The following TRMT1L variants were observed in gnomAD, a reference collection of about 807,000 sequenced individuals.
TRMT1L encodes the protein tRNA (guanine(27)-N(2))-dimethyltransferase.
Under a neutral mutation model 81.6 loss-of-function variants are expected in TRMT1L, and 28 were observed. That is an observed-to-expected ratio of 0.34 (90% CI 0.25 to 0.47). TRMT1L has a LOEUF of 0.47. Ranked by LOEUF, TRMT1L falls within the 20% of genes least tolerant of loss-of-function variation. The pLI is 1.00. For missense variants in TRMT1L, 739 were observed against 877.1 expected, an observed-to-expected ratio of 0.84 and a Z score of 1.99; for synonymous variants, 301 against 303.2, an observed-to-expected ratio of 0.99 and a Z score of 0.07.
chr1:185,149,626 A>G (rs1653287588), intron 3 of TRMT1L, among the ~76,000 whole-genome samples: 1 of 151,236 alleles, frequency 6.6e-6, no homozygotes, highest in Non-Finnish European at 1.5e-5. Context: ...CTTCTAAGGC[A>G]CTCCTAGGAG....
intron 9 of TRMT1L, 69 bp from the exon 10 acceptor site, chr1:185,137,865 T>C (rs1168685946): frequency 2.0e-6 from 3 of 1,479,932 alleles, no homozygotes; most frequent in Non-Finnish European, 2.8e-6. Context: ...ATACTGACAA[T>C]ATTAACCTGG....
chr1:185,126,051 A>G (rs531566142), intron 11 of TRMT1L, among the ~76,000 whole-genome samples: 1 of 152,272 alleles, frequency 6.6e-6, no homozygotes, highest in East Asian at 1.9e-4. Context: ...TGAAATTCTG[A>G]GTATGATAAA....
chr1:185,121,174 A>G (rs1439930048), intron 13 of TRMT1L, among the ~76,000 whole-genome samples: 1 of 152,226 alleles, frequency 6.6e-6, no homozygotes, highest in Non-Finnish European at 1.5e-5. Flanking sequence ...ACAACATGAA[A>G]ACAACTGAGA....
At position 185,145,582 on chromosome 1, in the gene TRMT1L, T is replaced by C; in HGVS notation, c.526-14A>G. On this transcript the variant is annotated splice_polypyrimidine_tract_variant and intron_variant, in intron 4 of 14. Coordinates refer to ENST00000367506, the MANE Select transcript of TRMT1L (RefSeq NM_030934.5). ...TTTACTGGTTATCTATCAAACAGAG[T>C]ATTTAATTTAAATAAGTTGCTAAGA... is the stretch of plus-strand genomic sequence containing the variant. The C allele has an allele frequency of 1.2e-6, 2 of 1,606,950 alleles. No homozygotes were observed. Among genetic ancestry groups the C allele is most frequent in the Non-Finnish European group, 1.7e-6 (2 of 1,175,530 alleles).
At chr1:185,142,141 C>T (rs900379365) in intron 7 of TRMT1L, among the ~76,000 whole-genome samples, 1 of 152,174 alleles carries the variant, frequency 6.6e-6, no homozygotes, top group African/African-American at 2.4e-5. Flanking sequence ...TAATCAGAAG[C>T]ATCACCTCAT....
chr1:185,150,334 T>C, intron 3 of TRMT1L, 45 bp downstream of exon 3: 1 of 1,375,896 alleles, frequency 7.3e-7, no homozygotes, highest in East Asian at 2.4e-5. Context: ...TAATAAATGT[T>C]GAATTTCATA....
intron 2 of TRMT1L, 27 bp downstream of exon 2, chr1:185,151,798 A>G (rs1653357534): frequency 1.3e-6 from 2 of 1,489,518 alleles, no homozygotes; most frequent in African/African-American, 2.9e-5. Context: ...AAACTAAGAA[A>G]AAAAAAAAAC....
At chr1:185,136,216 C>G (rs1652894849) in intron 10 of TRMT1L, among the ~76,000 whole-genome samples, 2 of 151,968 alleles carry the variant, frequency 1.3e-5, no homozygotes, top group Admixed American at 6.6e-5. Flanking sequence ...TTCAGACTAG[C>G]CAGCAAACAT....
chr1:185,150,524 G>C, intron 2 of TRMT1L, 32 bp from the exon 3 acceptor site: 1 of 1,472,126 alleles, frequency 6.8e-7, no homozygotes, highest in Non-Finnish European at 9.5e-7. Flanking sequence ...ATAAACAACA[G>C]AATATTCTAG....
At chr1:185,137,523 C>A in intron 10 of TRMT1L, 83 bp downstream of exon 10, 1 of 1,355,226 alleles carries the variant, frequency 7.4e-7, no homozygotes, top group Non-Finnish European at 1.0e-6. Flanking sequence ...AATCAAAGGA[C>A]AACAATATGT....
chr1:185,137,604 A>T lies in TRMT1L; in HGVS notation c.1513+2T>A, dbSNP rs1305389968. ...TAAACATAATATATAACTTGAATTTACCTTCTACCATATTACCATCCTTCT... is the reference window on the plus strand; with the variant it reads ...TAAACATAATATATAACTTGAATTTTCCTTCTACCATATTACCATCCTTCT... On this transcript the variant is annotated splice_donor_variant, in intron 10 of 14. Transcript: ENST00000367506. LOFTEE classifies it high-confidence loss of function. 1 of 1,612,492 alleles carries T rather than the reference A, an allele frequency of 6.2e-7. No homozygotes were observed. The highest frequency in any genetic ancestry group is 8.5e-7 in the Non-Finnish European group (1 of 1,179,318).
intron 10 of TRMT1L, chr1:185,137,336 A>G (rs775804513): frequency 7.4e-5 from 36 of 486,078 alleles, no homozygotes; most frequent in Non-Finnish European, 1.3e-4. Flanking sequence ...TATGTTCCTA[A>G]AATTAGTTGA....
intron 10 of TRMT1L, among the ~76,000 whole-genome samples, chr1:185,133,201 G>T (rs963291091): frequency 2.0e-5 from 3 of 152,132 alleles, no homozygotes; most frequent in African/African-American, 7.2e-5. Flanking sequence ...CATAAGAAAG[G>T]AAACATTATT....
At chr1:185,121,369 A>T (rs1244622717) in intron 13 of TRMT1L, among the ~76,000 whole-genome samples, 2 of 152,090 alleles carry the variant, frequency 1.3e-5, no homozygotes, top group African/African-American at 4.8e-5. Context: ...GCTACTTGGG[A>T]GGCTGAGGTG....
At chr1:185,133,899 T>C (rs984166583) in intron 10 of TRMT1L, among the ~76,000 whole-genome samples, 1 of 152,130 alleles carries the variant, frequency 6.6e-6, no homozygotes, top group Non-Finnish European at 1.5e-5. Context: ...TACACAGCAA[T>C]AGACAGCAAA....
At chr1:185,144,080 A>G in intron 5 of TRMT1L, 51 bp from the exon 6 acceptor site, 1 of 1,512,548 alleles carries the variant, frequency 6.6e-7, no homozygotes, top group East Asian at 2.3e-5. Context: ...ATAATTCTAA[A>G]CAAAAGATTT....
At chr1:185,142,300 G>A (rs146722525) in intron 7 of TRMT1L, among the ~76,000 whole-genome samples, 1 of 152,170 alleles carries the variant, frequency 6.6e-6, no homozygotes, top group Non-Finnish European at 1.5e-5. Flanking sequence ...TTTGAACTCA[G>A]GCAGTCTGGT....
At chr1:185,144,135 T>A (rs542314272) in intron 5 of TRMT1L, 106 bp from the exon 6 acceptor site, 6 of 1,139,120 alleles carry the variant, frequency 5.3e-6, no homozygotes, top group Non-Finnish European at 7.1e-6. Context: ...ACAATAAATA[T>A]ACATTTTGAA....
chr1:185,146,134 ATGAAG>A (rs758359162), intron 4 of TRMT1L, among the ~76,000 whole-genome samples: 1 of 152,008 alleles, frequency 6.6e-6, no homozygotes, highest in Non-Finnish European at 1.5e-5. Flanking sequence ...GAACAATGAT[ATGAAG>A]TGAACATTCA....
Sources: allele counts gnomAD v4.1 joint callset (sites outside exome capture counted in the v4.1 genomes callset), GRCh38; gene constraint gnomAD v4.1.1; transcripts MANE v1.5; gene names NCBI Gene and HGNC (gene_info 2026-07-23, HGNC 2026-07-21).